The following ZBTB5 variants were observed in gnomAD, a reference collection of about 807,000 sequenced individuals.
The protein encoded by ZBTB5 is zinc finger and BTB domain containing 5.
ZBTB5 carries 15 observed loss-of-function variants against 37.9 expected under a neutral mutation model. The ratio of observed to expected loss-of-function variants is 0.40; its 90% CI spans 0.26 to 0.61. The LOEUF (loss-of-function observed/expected upper bound fraction) is 0.61. ZBTB5 is among the 20% of genes least tolerant of loss of function. The pLI, the probability that ZBTB5 is intolerant of heterozygous loss-of-function variation, is 0.47. For missense variants in ZBTB5, 708 were observed against 856.8 expected (o/e 0.83, Z 2.17); for synonymous variants, 315 against 312.4 (o/e 1.01, Z -0.09).
rs1384640680 is a variant in ZBTB5, at chr9:37,439,465, A to G, written c.*1053T>C. The G allele has an allele frequency of 6.6e-6, 1 of 152,244 alleles. No homozygotes were observed. Among genetic ancestry groups the G allele is most frequent in the African/African-American group, 2.4e-5 (1 of 41,458 alleles). 9.4% of individuals were successfully genotyped at this position (152,244 alleles called of 1,614,324 possible). On this transcript the variant is annotated 3_prime_UTR_variant, in exon 2 of 2. Coordinates refer to ENST00000307750, the MANE Select transcript of ZBTB5 (RefSeq NM_014872.3). Reference sequence around the variant, plus strand: ...GGGTCTGTACTGTTAAAAGTATAGTATATAACAGTAATAAAACCTGTGTGG... The same window carrying G: ...GGGTCTGTACTGTTAAAAGTATAGTGTATAACAGTAATAAAACCTGTGTGG...
Position 37,439,644 on chromosome 9 carries a change from G to A in ZBTB5, c.*874C>T, listed in dbSNP as rs1276473003. 6.6e-6 allele frequency: 1 copy of A among 152,156 alleles called. No individual in the cohort carries two copies. The highest frequency in any genetic ancestry group is 1.5e-5 in the Non-Finnish European group (1 of 68,042). The allele number at this position is 152,156 out of a possible 1,614,324, so 9.4% of individuals were successfully genotyped here. On this transcript the variant is annotated 3_prime_UTR_variant, in exon 2 of 2. Coordinates refer to ENST00000307750, the MANE Select transcript of ZBTB5 (RefSeq NM_014872.3). The stretch of plus-strand genomic sequence containing the variant: ...CCTCAACATCTGGACGGAGCAACAG[G>A]TAAATGTGCCATGGAAGACCCCACA...
chr9:37,452,127 T>C (rs535662328), intron 1 of ZBTB5, among the ~76,000 whole-genome samples: 55 of 152,340 alleles, frequency 3.6e-4, no homozygotes, highest in Non-Finnish European at 6.0e-4. Context: ...CAAGGCTAGT[T>C]TGGCCTACGC....
At chr9:37,442,669 C>T (rs574974345) in intron 1 of ZBTB5, 114 bp from the exon 2 acceptor site, 9 of 788,456 alleles carry the variant, frequency 1.1e-5, no homozygotes, top group Admixed American at 2.9e-5. Flanking sequence ...CTTTGAAGCC[C>T]GTGATATCTC....
Position 37,442,270 on chromosome 9 carries a change from G to C in ZBTB5, c.282C>G (p.Ser94Arg). The change falls in exon 2 of 2, where the codon AGC becomes AGG. Residue 94 changes from serine (S) to arginine (R), a missense_variant. Physicochemically the swap from Ser to Arg is moderately radical, Grantham distance 110. Transcript: ENST00000307750. The stretch of plus-strand genomic sequence containing the variant: ...CTGCCAATAAGACATCCATTACATT[G>C]CTCTCCCCCAGCATGAGGGTGGAGG... Reference protein sequence around the residue: ...MYTSTLMLGESNVMDVLLAAS... With the variant: ...MYTSTLMLGERNVMDVLLAAS... The C allele has an allele frequency of 6.2e-7, 1 of 1,614,196 alleles. No homozygotes were observed. The highest frequency in any genetic ancestry group is 1.3e-5 in the African/African-American group (1 of 75,054).
At position 37,440,794 on chromosome 9, in the gene ZBTB5, C is replaced by A. The variant is rs1161581545; in HGVS notation, c.1758G>T (p.Arg586Ser). 1.2e-6 allele frequency: 2 copies of A among 1,614,026 alleles called. No homozygotes were observed. ...ACTTTGACAGAACATCTGCAGATGC[C>A]CTGGTCAACTGTGGAGGGCCAGGCT... ...PSQPGPPQLT[R>S]ASADVLSKCK... The change falls in exon 2 of 2, where the codon AGG (arginine) becomes AGT (serine). Residue 586 changes from arginine to serine, a missense_variant. Physicochemically the swap from Arg to Ser is moderately radical, Grantham distance 110 (BLOSUM62 -1). Around this residue, in one of 3 missense-constraint regions of ZBTB5, gnomAD observed 639 missense variants for 690.5 expected, o/e 0.93. Coordinates refer to ENST00000307750, the MANE Select transcript of ZBTB5 (RefSeq NM_014872.3).
intron 1 of ZBTB5, among the ~76,000 whole-genome samples, chr9:37,456,253 C>T (rs1824186586): frequency 6.6e-6 from 1 of 152,078 alleles, no homozygotes; most frequent in African/African-American, 2.4e-5. Flanking sequence ...CCCACCTGGC[C>T]CAGGCTAGGA....
rs755248729 is a variant in ZBTB5, at chr9:37,440,765, T to C, written c.1787A>G (p.Lys596Arg). Residue 596 changes from lysine to arginine, a missense_variant, in exon 2 of 2, where the codon AAG becomes AGG. Lys to Arg is a conservative substitution (Grantham distance 26, BLOSUM62 2). Around this residue, in one of 3 missense-constraint regions of ZBTB5, gnomAD observed 42 missense variants for 107.9 expected, o/e 0.39. Transcript: ENST00000307750. Reference protein sequence around the residue: ...RASADVLSKCKKALSEHNVLV... With the variant: ...RASADVLSKCRKALSEHNVLV... The stretch of plus-strand genomic sequence containing the variant: ...AACATTGTGCTCTGATAAGGCCTTC[T>C]TGCACTTTGACAGAACATCTGCAGA... 2 of 1,614,206 alleles carry C rather than the reference T, an allele frequency of 1.2e-6. No homozygotes were observed. The highest frequency in any genetic ancestry group is 8.5e-7 in the Non-Finnish European group (1 of 1,180,034).
intron 1 of ZBTB5, among the ~76,000 whole-genome samples, chr9:37,460,366 G>T (rs571790249): frequency 1.3e-5 from 2 of 151,916 alleles, no homozygotes; most frequent in Non-Finnish European, 2.9e-5. Flanking sequence ...AACCCGGGAG[G>T]TGGAGGTTGC....
chr9:37,459,480 C>G (rs891117461), intron 1 of ZBTB5, among the ~76,000 whole-genome samples: 2 of 151,010 alleles, frequency 1.3e-5, no homozygotes, highest in Non-Finnish European at 3.0e-5. Flanking sequence ...AAAAAGTTTT[C>G]TTTTCTTTCC....
intron 1 of ZBTB5, among the ~76,000 whole-genome samples, chr9:37,449,950 G>A (rs1476067915): frequency 6.6e-6 from 1 of 152,050 alleles, no homozygotes; most frequent in East Asian, 1.9e-4. Context: ...ACGGTAAGCA[G>A]CAGACAATGG....
At chr9:37,442,595 A>C in intron 1 of ZBTB5, 40 bp from the exon 2 acceptor site, 27 of 1,493,322 alleles carry the variant, frequency 1.8e-5, no homozygotes, top group Non-Finnish European at 2.4e-5. Context: ...AGACCTAGAA[A>C]AGCTTCAAAG....
At chr9:37,464,576 T>C (rs1824353906) in intron 1 of ZBTB5, among the ~76,000 whole-genome samples, 1 of 152,230 alleles carries the variant, frequency 6.6e-6, no homozygotes. Flanking sequence ...CCTTTTATTA[T>C]TTACATACAA....
chr9:37,442,007 C>A lies in ZBTB5; in HGVS notation c.545G>T (p.Arg182Leu). The A allele has an allele frequency of 6.2e-7, 1 of 1,613,762 alleles. No homozygotes were observed. The highest frequency in any genetic ancestry group is 8.5e-7 in the Non-Finnish European group (1 of 1,180,034). The change falls in exon 2 of 2, where the codon CGC (arginine) becomes CTC (leucine). Residue 182 changes from arginine (R) to leucine (L), a missense_variant. Physicochemically the swap from Arg to Leu is moderately radical, Grantham distance 102. Around this residue, in one of 3 missense-constraint regions of ZBTB5, gnomAD observed 639 missense variants for 690.5 expected, o/e 0.93. Transcript: ENST00000307750. ...SSSMRSNLDQ[R>L]TPFPMRRLHK... Reference sequence around the variant, plus strand: ...AAGGCGTCTCATGGGGAAGGGCGTGCGCTGATCCAGGTTACTGCGCATGGA... The same window carrying A: ...AAGGCGTCTCATGGGGAAGGGCGTGAGCTGATCCAGGTTACTGCGCATGGA...
At chr9:37,455,900 C>G (rs309443) in intron 1 of ZBTB5, among the ~76,000 whole-genome samples, 150,999 of 151,860 alleles carry the variant, frequency 0.99, 75,078 homozygotes, top group Middle Eastern at 1. Context: ...TGAACTCCAG[C>G]GCTCAAGCAA....
chr9:37,441,081 C>A lies in ZBTB5; in HGVS notation c.1471G>T (p.Val491Leu), dbSNP rs921955444. 6.2e-7 allele frequency: 1 copy of A among 1,614,174 alleles called. No homozygotes were observed. The highest frequency in any genetic ancestry group is 1.3e-5 in the African/African-American group (1 of 75,044). Residue 491 changes from valine to leucine, a missense_variant, in exon 2 of 2, where the codon GTG (valine) becomes TTG (leucine). Around this residue, in one of 3 missense-constraint regions of ZBTB5, gnomAD observed 639 missense variants for 690.5 expected, o/e 0.93. Transcript: ENST00000307750. ...CCTCCTTGGTAGCCTGAAGTCTGCACACACGGCAGGCCCATCACCTCCTGC... is the reference window on the plus strand; with the variant it reads ...CCTCCTTGGTAGCCTGAAGTCTGCAAACACGGCAGGCCCATCACCTCCTGC... ...PMQEVMGLPC[V>L]QTSGYQGGEQ...
rs776664512 is a variant in ZBTB5 at position 37,441,940 on chromosome 9, G to A, written c.612C>T (p.Arg204=). Residue 204 remains arginine (R), a synonymous_variant, in exon 2 of 2, where the codon CGC becomes CGT. Transcript: ENST00000307750. Reference sequence around the variant, plus strand: ...CAGACTCATCTATGGAGGGTCGGAGGCGCTGCCTGGCCCGCTCCTCTGCAG... The same window carrying A: ...CAGACTCATCTATGGAGGGTCGGAGACGCTGCCTGGCCCGCTCCTCTGCAG... ...KQSAEERARQ[R]LRPSIDESAI... 1.9e-6 allele frequency: 3 copies of A among 1,614,050 alleles called. No homozygotes were observed. The highest frequency in any genetic ancestry group is 1.7e-5 in the Admixed American group (1 of 60,030).
intron 1 of ZBTB5, among the ~76,000 whole-genome samples, chr9:37,458,298 AGTACCT>A (rs1278056538): frequency 6.6e-6 from 1 of 152,234 alleles, no homozygotes; most frequent in Non-Finnish European, 1.5e-5. Context: ...TCAACTCTTG[AGTACCT>A]GTTTTCAATA....
At chr9:37,460,618 C>T (rs1466139597) in intron 1 of ZBTB5, among the ~76,000 whole-genome samples, 1 of 152,136 alleles carries the variant, frequency 6.6e-6, no homozygotes, top group Non-Finnish European at 1.5e-5. Flanking sequence ...ATAATCTCAA[C>T]ATGTTGGGAG....
In ZBTB5 at chr9:37,465,375, C is replaced by G. The variant is rs143034558; in HGVS notation, c.-165G>C. ...GCCCCCCTCCCACCCCGCCTCTAGT[C>G]CCCTAGCTCCTCCAGCCAGTTCGCC... On this transcript the variant is annotated 5_prime_UTR_variant, in exon 1 of 2. Transcript: ENST00000307750. 1 of 134,316 alleles carries G rather than the reference C, an allele frequency of 7.4e-6. No individual in the cohort carries two copies. Among genetic ancestry groups the G allele is most frequent in the Non-Finnish European group, 1.6e-5 (1 of 63,020 alleles). The allele number at this position is 134,316 out of a possible 1,614,324, so 8.3% of individuals were successfully genotyped here.
Sources: allele counts gnomAD v4.1 joint callset (sites outside exome capture counted in the v4.1 genomes callset), GRCh38; gene constraint gnomAD v4.1.1; regional missense constraint gnomAD v4.1.1; transcripts MANE v1.5; gene names NCBI Gene and HGNC (gene_info 2026-07-23, HGNC 2026-07-21).